PLAGL1: variants seen among roughly 807,000 people sequenced by gnomAD.
The protein encoded by PLAGL1 is PLAG1 like zinc finger 1.
A neutral mutation model predicts 4.6 loss-of-function variants in PLAGL1; 1 was observed. That is an observed-to-expected ratio of 0.22 (90% confidence interval 0.08 to 1.03). The LOEUF (loss-of-function observed/expected upper bound fraction) is 1.03. Among genes scored for constraint, PLAGL1 ranks in the 50% least tolerant of loss-of-function variants. The probability of loss-of-function intolerance (pLI) is 0.58; values close to 1 mark genes in which losing one functional copy is unlikely to be tolerated. For missense variants in PLAGL1, 464 were observed against 570.4 expected (o/e 0.81, Z 1.90); for synonymous variants, 240 against 237.8 (o/e 1.01, Z -0.08).
intron 1 of PLAGL1, among the ~76,000 whole-genome samples, chr6:143,988,020 T>C (rs1295422116): frequency 6.6e-6 from 1 of 152,234 alleles, no homozygotes. Context: ...TTCTATCTTG[T>C]CTGCCAAGCT....
chr6:144,054,836 G>T (rs1798852141), intron 1 of PLAGL1, among the ~76,000 whole-genome samples: 1 of 147,276 alleles, frequency 6.8e-6, no homozygotes, highest in African/African-American at 2.5e-5. Context: ...TGTGTAAGGT[G>T]TACTAGAGCT....
In PLAGL1 at chr6:144,059,561, G is replaced by T. The variant is rs776706036; in HGVS notation, c.-151+4907C>A. On this transcript the variant is annotated intron_variant, in intron 1 of 3. Transcript: ENST00000437412. The surrounding 1 kb of genome is among the most constrained non-coding windows in gnomAD (Gnocchi z 4.9). ...AATAGGGAAGAATCACATATATTTT[G>T]ATAAATACTACTCACAGCCCTAACT... Among the ~76,000 whole-genome samples, 1 of 152,120 alleles carries T rather than the reference G, an allele frequency of 6.6e-6. No homozygotes were observed. The highest frequency in any genetic ancestry group is 2.4e-5 in the African/African-American group (1 of 41,406).
Position 143,948,123 on chromosome 6 carries a change from G to A in PLAGL1, c.14C>T (p.Pro5Leu). The A allele has an allele frequency of 1.2e-6, 2 of 1,613,600 alleles. No individual in the cohort carries two copies. The highest frequency in any genetic ancestry group is 1.7e-6 in the Non-Finnish European group (2 of 1,179,890). The change falls in exon 7 of 8, where the codon CCC becomes CTC. Residue 5 changes from proline (P) to leucine (L), a missense_variant. Coordinates refer to ENST00000674357, the MANE Select transcript of PLAGL1 (RefSeq NM_001317162.2). The surrounding 1 kb of genome is among the most constrained non-coding windows in gnomAD (Gnocchi z 6.0). MATFPCQLCGKTFLT... is the reference protein window; with the variant it reads MATFLCQLCGKTFLT... ...GAACGTCTTGCCACATAACTGGCAG[G>A]GGAACGTGGCCATGGGCTTTGCTTC...
At position 144,064,158 on chromosome 6, in the gene PLAGL1, C is replaced by T. The variant is rs920370721; in HGVS notation, c.-151+310G>A. 6.6e-6 allele frequency among the ~76,000 whole-genome samples: 1 copy of T among 151,988 alleles called. No individual in the cohort carries two copies. Among genetic ancestry groups the T allele is most frequent in the Non-Finnish European group, 1.5e-5 (1 of 67,948 alleles). On this transcript the variant is annotated intron_variant, in intron 1 of 3. Coordinates refer to the PLAGL1 transcript ENST00000437412. The surrounding 1 kb of genome is among the most constrained non-coding windows in gnomAD (Gnocchi z 6.8). ...GCGGCTGTTCAGCTCCCACGTCACCCGGCCCGCCCTCCGCCCAGCGCAGAA... is the reference window on the plus strand; with the variant it reads ...GCGGCTGTTCAGCTCCCACGTCACCTGGCCCGCCCTCCGCCCAGCGCAGAA...
intron 1 of PLAGL1, among the ~76,000 whole-genome samples, chr6:144,031,723 A>G (rs1796845809): frequency 6.6e-6 from 1 of 152,124 alleles, no homozygotes. Flanking sequence ...CTATTTTTAT[A>G]CCAGTACCAT....
intron 1 of PLAGL1, among the ~76,000 whole-genome samples, chr6:144,024,605 T>C (rs1224912896): frequency 6.6e-6 from 1 of 152,220 alleles, no homozygotes; most frequent in African/African-American, 2.4e-5. Context: ...TTAAATCTCT[T>C]TCCTTTATAA....
chr6:144,046,480 AC>A (rs903234240), intron 1 of PLAGL1, among the ~76,000 whole-genome samples: 12 of 151,968 alleles, frequency 7.9e-5, no homozygotes, highest in African/African-American at 2.9e-4. Flanking sequence ...CTGGAGGTCT[AC>A]TCCAGACCCT....
Position 144,006,315 on chromosome 6 carries a change from T to A in PLAGL1, c.-584+1775A>T, listed in dbSNP as rs1794163495. On this transcript the variant is annotated intron_variant, in intron 1 of 7. Coordinates refer to ENST00000674357, the MANE Select transcript of PLAGL1 (RefSeq NM_001317162.2). The surrounding 1 kb of genome is among the most constrained non-coding windows in gnomAD (Gnocchi z 4.3). ...ATATTTTAACATATTTGGGGGGAAA[T>A]GTAACATTCAAACCCAGTGTGTATC... 6.6e-6 allele frequency: 1 copy of A among 152,064 alleles called. No individual in the cohort carries two copies. Among genetic ancestry groups the A allele is most frequent in the Non-Finnish European group, 1.5e-5 (1 of 68,018 alleles). The allele number at this position is 152,064 out of a possible 1,614,324, so 9.4% of individuals were successfully genotyped here.
chr6:143,978,133 T>C lies in PLAGL1; in HGVS notation c.-544+7002A>G, dbSNP rs935060496. Among the ~76,000 whole-genome samples, 14 of 152,184 alleles carry C rather than the reference T, an allele frequency of 9.2e-5. No homozygotes were observed. The highest frequency in any genetic ancestry group is 3.4e-4 in the African/African-American group (14 of 41,452). ...ATCTTTTCAAAGAACCAGCTTTTTA[T>C]TTTGTTGATTTTCTCCATTGTTTTC... is the stretch of plus-strand genomic sequence containing the variant. On this transcript the variant is annotated intron_variant, in intron 2 of 7. Coordinates refer to ENST00000674357, the MANE Select transcript of PLAGL1 (RefSeq NM_001317162.2). This position sits in a 1 kb window ranked among gnomAD's most constrained non-coding sequence, Gnocchi z 4.6.
Position 143,970,169 on chromosome 6 carries a change from T to C in PLAGL1, c.-543-1191A>G, listed in dbSNP as rs999311730. On this transcript the variant is annotated intron_variant, in intron 2 of 7. Transcript: ENST00000674357. This position sits in a 1 kb window ranked among gnomAD's most constrained non-coding sequence, Gnocchi z 5.8. ...TGTGCCTTGACCAAAAAGGCTGCTG[T>C]TGTATGTGTTTTTAAAATAACGAAA... is the stretch of plus-strand genomic sequence containing the variant. Among the ~76,000 whole-genome samples the C allele has an allele frequency of 2.0e-5, 3 of 152,204 alleles. No individual in the cohort carries two copies. Among genetic ancestry groups the C allele is most frequent in the Non-Finnish European group, 2.9e-5 (2 of 68,034 alleles).
Position 143,947,961 on chromosome 6 carries a change from C to T in PLAGL1, c.152+24G>A, listed in dbSNP as rs900587692. On this transcript the variant is annotated intron_variant, in intron 7 of 7. Transcript: ENST00000674357. The surrounding 1 kb of genome is among the most constrained non-coding windows in gnomAD (Gnocchi z 4.3). The stretch of plus-strand genomic sequence containing the variant: ...CCATTTAAACGTACTTCTAAAAGTG[C>T]ATACCTTTGCCAAAGCCTCTCACCT... The T allele has an allele frequency of 1.2e-6, 2 of 1,606,136 alleles. No individual in the cohort carries two copies. Among genetic ancestry groups the T allele is most frequent in the Non-Finnish European group, 1.7e-6 (2 of 1,173,186 alleles).
rs998376664 is a variant in PLAGL1, at chr6:143,989,498, C to T, written c.-583-4324G>A. ...GGAATTCACCCCCTTTTCTTCCTGCCTGCCTGAGCTGGGACATCAGTCTCC... is the reference window on the plus strand; with the variant it reads ...GGAATTCACCCCCTTTTCTTCCTGCTTGCCTGAGCTGGGACATCAGTCTCC... On this transcript the variant is annotated intron_variant, in intron 1 of 7. Coordinates refer to ENST00000674357, the MANE Select transcript of PLAGL1 (RefSeq NM_001317162.2). The surrounding 1 kb of genome is among the most constrained non-coding windows in gnomAD (Gnocchi z 4.8). Among the ~76,000 whole-genome samples, 2 of 152,192 alleles carry T rather than the reference C, an allele frequency of 1.3e-5. No homozygotes were observed. The highest frequency in any genetic ancestry group is 4.8e-5 in the African/African-American group (2 of 41,446).
chr6:144,003,638 A>AG (rs1030854879), intron 1 of PLAGL1, among the ~76,000 whole-genome samples: 9 of 151,516 alleles, frequency 5.9e-5, no homozygotes, highest in African/African-American at 1.5e-4. Context: ...AAAAAAAAAA[A>AG]AGAGAATAAA....
At chr6:144,033,796 T>A (rs957668280) in intron 1 of PLAGL1, among the ~76,000 whole-genome samples, 1 of 152,170 alleles carries the variant, frequency 6.6e-6, no homozygotes, top group African/African-American at 2.4e-5. Context: ...TCACAAGGTC[T>A]ACCTTCACAT....
rs1042582791 is a variant in PLAGL1, at chr6:144,039,668, A to T, written c.-151+24800T>A. Reference sequence around the variant, plus strand: ...TGACAAGGAGAGATTTACACTTCTGATAGGGGTATTAAATAGCACAACCAC... The same window carrying T: ...TGACAAGGAGAGATTTACACTTCTGTTAGGGGTATTAAATAGCACAACCAC... On this transcript the variant is annotated intron_variant, in intron 1 of 3. Coordinates refer to the PLAGL1 transcript ENST00000437412. This position sits in a 1 kb window ranked among gnomAD's most constrained non-coding sequence, Gnocchi z 4.1. Among the ~76,000 whole-genome samples, 1 of 152,188 alleles carries T rather than the reference A, an allele frequency of 6.6e-6. No homozygotes were observed. The highest frequency in any genetic ancestry group is 2.1e-4 in the South Asian group (1 of 4,830).
At chr6:143,986,924 T>C (rs532438350) in intron 1 of PLAGL1, among the ~76,000 whole-genome samples, 3 of 152,240 alleles carry the variant, frequency 2.0e-5, no homozygotes, top group Non-Finnish European at 4.4e-5. Context: ...ATTATTAGCA[T>C]GGTTTGGTGT....
upstream of PLAGL1, among the ~76,000 whole-genome samples, chr6:144,009,196 T>C (rs1219108008): frequency 6.6e-6 from 1 of 152,264 alleles, no homozygotes; most frequent in Admixed American, 6.5e-5. Flanking sequence ...TTTCCATTAG[T>C]TCTGTTACTT....
chr6:144,050,735 A>AT lies in PLAGL1; in HGVS notation c.-151+13732dup, dbSNP rs1308099085. ...TGAGACCCTGTTTCTACAAAAAAAA[A>AT]TTTTTTTTTAAGTAAATCAGGTGTG... On this transcript the variant is annotated intron_variant, in intron 1 of 3. Transcript: ENST00000437412. The surrounding 1 kb of genome is among the most constrained non-coding windows in gnomAD (Gnocchi z 4.3). Among the ~76,000 whole-genome samples, 10 of 151,858 alleles carry AT rather than the reference A, an allele frequency of 6.6e-5. No individual in the cohort carries two copies. Among genetic ancestry groups the AT allele is most frequent in the South Asian group, 2.1e-4 (1 of 4,806 alleles).
chr6:144,028,830 A>G (rs1796570116), intron 1 of PLAGL1, among the ~76,000 whole-genome samples: 1 of 152,152 alleles, frequency 6.6e-6, no homozygotes, highest in Non-Finnish European at 1.5e-5. Flanking sequence ...TTTTTTTCTT[A>G]TTATAAAAAT....
Sources: gnomAD v4.1 joint callset for allele counts (sites outside exome capture counted in the v4.1 genomes callset) on GRCh38, gnomAD v4.1.1 for gene constraint, Gnocchi (gnomAD v3.1) non-coding constraint, MANE v1.5 for transcripts, NCBI Gene and HGNC (gene_info 2026-07-23, HGNC 2026-07-21) for gene names.